Variants in IMMP2L observed in about 807,000 individuals in gnomAD.
The protein encoded by IMMP2L is inner mitochondrial membrane peptidase subunit 2.
IMMP2L carries 18 observed loss-of-function variants against 19.3 expected under a neutral mutation model. The ratio of observed to expected loss-of-function variants is 0.93; its 90% CI spans 0.64 to 1.38. The LOEUF is 1.38. Ranked by LOEUF, IMMP2L falls within the 40% of genes most tolerant of loss-of-function variation. The probability of loss-of-function intolerance (pLI) is 0.00; values close to 1 mark genes in which losing one functional copy is unlikely to be tolerated. For missense variants in IMMP2L, 233 were observed against 218.2 expected, an observed-to-expected ratio of 1.07 and a Z score of -0.43; for synonymous variants, 76 against 73.0, an observed-to-expected ratio of 1.04 and a Z score of -0.21.
chr7:111,507,885 G>T (rs1251915817), intron 2 of IMMP2L, among the ~76,000 whole-genome samples: 10 of 152,114 alleles, frequency 6.6e-5, no homozygotes, highest in Non-Finnish European at 1.3e-4. Context: ...TCCGTCATCA[G>T]GATAGCCTGA....
intron 3 of IMMP2L, among the ~76,000 whole-genome samples, chr7:111,070,197 T>C (rs1794835041): frequency 2.0e-5 from 3 of 152,116 alleles, no homozygotes; most frequent in Non-Finnish European, 4.4e-5. Context: ...GAAAAGAAAG[T>C]TATAAATTCA....
At chr7:111,538,936 A>G (rs1013128838) in intron 1 of IMMP2L, among the ~76,000 whole-genome samples, 1 of 150,932 alleles carries the variant, frequency 6.6e-6, no homozygotes, top group Non-Finnish European at 1.5e-5. Flanking sequence ...CCTGGCCAAC[A>G]TGGTGAAACC....
intron 3 of IMMP2L, among the ~76,000 whole-genome samples, chr7:111,163,123 A>G (rs1299532701): frequency 6.6e-6 from 1 of 152,064 alleles, no homozygotes; most frequent in African/African-American, 2.4e-5. Flanking sequence ...TGAGCGCTCT[A>G]TGAGATGCAA....
At chr7:111,029,679 A>AGAAAAT (rs1334072075) in intron 3 of IMMP2L, among the ~76,000 whole-genome samples, 3 of 152,196 alleles carry the variant, frequency 2.0e-5, no homozygotes, top group Non-Finnish European at 4.4e-5. Flanking sequence ...CCAAGTTAGA[A>AGAAAAT]GAAAATGAAA....
At chr7:110,823,129 C>CT (rs1355434549) in intron 5 of IMMP2L, among the ~76,000 whole-genome samples, 1 of 152,102 alleles carries the variant, frequency 6.6e-6, no homozygotes, top group African/African-American at 2.4e-5. Context: ...TTTTTATTGA[C>CT]TTTTTTGTAT....
At chr7:111,189,103 G>A (rs1353700826) in intron 3 of IMMP2L, among the ~76,000 whole-genome samples, 1 of 152,092 alleles carries the variant, frequency 6.6e-6, no homozygotes, top group Non-Finnish European at 1.5e-5. Context: ...AGGCACCACA[G>A]CCAAACAGTG....
chr7:111,003,717 GC>G (rs1823977074), intron 3 of IMMP2L, among the ~76,000 whole-genome samples: 1 of 151,950 alleles, frequency 6.6e-6, no homozygotes, highest in Non-Finnish European at 1.5e-5. Flanking sequence ...TTACTATGCT[GC>G]CCAGGCTGCT....
intron 3 of IMMP2L, among the ~76,000 whole-genome samples, chr7:111,445,577 T>A (rs1276157100): frequency 1.3e-5 from 2 of 152,200 alleles, no homozygotes; most frequent in African/African-American, 4.8e-5. Flanking sequence ...GCACGTTCTC[T>A]AAGACATGGG....
At chr7:111,061,559 G>A (rs1794017375) in intron 3 of IMMP2L, among the ~76,000 whole-genome samples, 1 of 151,998 alleles carries the variant, frequency 6.6e-6, no homozygotes, top group Non-Finnish European at 1.5e-5. Context: ...TTCCTCATCT[G>A]CACCTCCTAT....
intron 5 of IMMP2L, among the ~76,000 whole-genome samples, chr7:110,770,191 T>C (rs534060739): frequency 1.5e-4 from 23 of 152,234 alleles, no homozygotes; most frequent in African/African-American, 5.1e-4. Flanking sequence ...AATAAAGCAA[T>C]AGCAAACTAT....
chr7:111,468,929 T>C (rs1372075262), intron 3 of IMMP2L, among the ~76,000 whole-genome samples: 1 of 152,020 alleles, frequency 6.6e-6, no homozygotes, highest in East Asian at 1.9e-4. Flanking sequence ...AAAAGTTTGG[T>C]ATGGGCTAGG....
intron 4 of IMMP2L, among the ~76,000 whole-genome samples, chr7:110,912,174 G>A (rs1000670232): frequency 3.9e-5 from 6 of 152,046 alleles, no homozygotes; most frequent in African/African-American, 1.4e-4. Context: ...AAGAAGGCGA[G>A]TTATCTATCT....
chr7:111,450,215 A>T (rs1563207152), intron 3 of IMMP2L, among the ~76,000 whole-genome samples: 2 of 150,620 alleles, frequency 1.3e-5, no homozygotes, highest in Non-Finnish European at 2.9e-5. Context: ...AACTACTTTA[A>T]AGTTCATATG....
chr7:111,465,797 C>T (rs1298789584), intron 3 of IMMP2L, among the ~76,000 whole-genome samples: 2 of 152,058 alleles, frequency 1.3e-5, no homozygotes, highest in Non-Finnish European at 2.9e-5. Flanking sequence ...ACTAGAAATA[C>T]CATTTGACCC....
At chr7:111,290,748 C>T (rs1274453447) in intron 3 of IMMP2L, among the ~76,000 whole-genome samples, 4 of 151,536 alleles carry the variant, frequency 2.6e-5, no homozygotes, top group Non-Finnish European at 5.9e-5. Context: ...TTTTGTGCTT[C>T]ATGTTTTCTG....
intron 5 of IMMP2L, among the ~76,000 whole-genome samples, chr7:110,722,111 A>T (rs1795613781): frequency 6.6e-6 from 1 of 152,066 alleles, no homozygotes; most frequent in South Asian, 2.1e-4. Flanking sequence ...TCCAGGATGA[A>T]CTATAGGATC....
At chr7:111,560,235 C>CT (rs142780855) in intron 1 of IMMP2L, among the ~76,000 whole-genome samples, 7 of 151,708 alleles carry the variant, frequency 4.6e-5, no homozygotes, top group Non-Finnish European at 8.8e-5. Flanking sequence ...TTCTAAATAA[C>CT]TTTTTTTTGA....
chr7:111,413,728 C>T (rs1834680837), intron 3 of IMMP2L, among the ~76,000 whole-genome samples: 1 of 86,976 alleles, frequency 1.1e-5, no homozygotes, highest in Non-Finnish European at 2.4e-5. Context: ...TCTTGCCTGT[C>T]AGCTCCAAAT....
At chr7:111,386,193 A>C (rs1831736453) in intron 3 of IMMP2L, among the ~76,000 whole-genome samples, 5 of 152,156 alleles carry the variant, frequency 3.3e-5, no homozygotes, top group Middle Eastern at 3.4e-3. Flanking sequence ...CACATGATTG[A>C]TAAATAACCT....
Sources: gnomAD v4.1 joint callset for allele counts (sites outside exome capture counted in the v4.1 genomes callset) on GRCh38, gnomAD v4.1.1 for gene constraint, MANE v1.5 for transcripts, NCBI Gene and HGNC (gene_info 2026-07-23, HGNC 2026-07-21) for gene names.